Variants in CRACR2B observed in about 807,000 individuals in gnomAD.
CRACR2B encodes the protein EF-hand calcium-binding domain-containing protein 4A.
In CRACR2B, 50 loss-of-function variants were observed where a neutral mutation model predicts 46.0. The observed-to-expected ratio is 1.09, with a 90% confidence interval of 0.87 to 1.38. The LOEUF (loss-of-function observed/expected upper bound fraction) is 1.38, where lower values mean the gene tolerates loss of function less well. Ranked by LOEUF, CRACR2B falls within the 40% of genes most tolerant of loss-of-function variation. The pLI is 0.00. For missense variants in CRACR2B, 667 were observed against 535.0 expected (o/e 1.25, Z -2.43); for synonymous variants, 277 against 239.6 (o/e 1.16, Z -1.44).
intron 4 of CRACR2B, 30 bp from the exon 5 acceptor site, chr11:830,220 T>C (rs1375379394): frequency 6.7e-7 from 1 of 1,496,324 alleles, no homozygotes; most frequent in Non-Finnish European, 8.9e-7. Flanking sequence ...GCTGGCAAGT[T>C]CTCATCCGGG....
chr11:830,098 C>T lies in CRACR2B; in HGVS notation c.571C>T (p.Arg191Trp), dbSNP rs755194719. The T allele has an allele frequency of 5.8e-6, 9 of 1,541,152 alleles. No individual in the cohort carries two copies. The highest frequency in any genetic ancestry group is 7.0e-6 in the Non-Finnish European group (8 of 1,148,556). The change falls in exon 4 of 9, where the codon CGG becomes TGG. Residue 191 changes from arginine to tryptophan, a missense_variant. Physicochemically the swap from Arg to Trp is moderately radical, Grantham distance 101. Coordinates refer to ENST00000525077, the MANE Select transcript of CRACR2B (RefSeq NM_001286606.2). Reference protein sequence around the residue: ...RASACLEEAARERDGLEQALR... With the variant: ...RASACLEEAAWERDGLEQALR... ...GTCGGCCTGCCTGGAGGAGGCGGCCCGGGAGCGCGACGGCCTGGAGCAGGC... is the reference window on the plus strand; with the variant it reads ...GTCGGCCTGCCTGGAGGAGGCGGCCTGGGAGCGCGACGGCCTGGAGCAGGC...
At chr11:831,352 A>G in intron 8 of CRACR2B, 57 bp downstream of exon 8, 3 of 1,552,666 alleles carry the variant, frequency 1.9e-6, no homozygotes, top group Non-Finnish European at 2.6e-6. Flanking sequence ...GGGGGCTCCC[A>G]GCTCCCCAAC....
In CRACR2B at chr11:828,965, T is replaced by G. The variant is rs1424848468; in HGVS notation, c.277+2T>G. 39 of 1,602,586 alleles carry G rather than the reference T, an allele frequency of 2.4e-5. No homozygotes were observed. The highest frequency in any genetic ancestry group is 3.2e-5 in the Non-Finnish European group (38 of 1,179,846). ...CCAGGGAGTTCTGCCTGGGCCTGGG[T>G]GAGCCTGTGGCCTGCCTATCCCCCA... On this transcript the variant is annotated splice_donor_variant, in intron 2 of 8. Coordinates refer to ENST00000525077, the MANE Select transcript of CRACR2B (RefSeq NM_001286606.2). LOFTEE classifies it high-confidence loss of function.
At position 829,501 on chromosome 11, in the gene CRACR2B, C is replaced by T. The variant is rs762869856; in HGVS notation, c.419C>T (p.Thr140Ile). 6.2e-7 allele frequency: 1 copy of T among 1,606,430 alleles called. No homozygotes were observed. ...GAGGAAGAGGAGGAGCGATTCCACA[C>T]TGTGCTGGAGCAGCTGGGGGTGGCC... ...EEEEEEERFH[T>I]VLEQLGVAPV... The change falls in exon 3 of 9, where the codon ACT (threonine) becomes ATT (isoleucine). Residue 140 changes from threonine (T) to isoleucine (I), a missense_variant. By Grantham distance (89) the Thr-to-Ile change is moderately conservative. Transcript: ENST00000525077.
In CRACR2B at chr11:831,244, G is replaced by A. The variant is rs1846401946; in HGVS notation, c.974G>A (p.Arg325Lys). ...QTQRDVVAVS[R>K]NMQKEKVSLL... ...CACAGAGACGTGGTCGCCGTCTCCA[G>A]GAACATGCAGAAAGAGAAAGTCAGC... The change falls in exon 8 of 9, where the codon AGG (arginine) becomes AAG (lysine). Residue 325 changes from arginine to lysine, a missense_variant. Transcript: ENST00000525077. 1 of 1,610,718 alleles carries A rather than the reference G, an allele frequency of 6.2e-7. No individual in the cohort carries two copies. The highest frequency in any genetic ancestry group is 8.5e-7 in the Non-Finnish European group (1 of 1,179,380).
chr11:829,245 G>A (rs528859695), intron 2 of CRACR2B, 115 bp from the exon 3 acceptor site: 44 of 1,476,208 alleles, frequency 3.0e-5, no homozygotes, highest in East Asian at 5.0e-5. Context: ...GAATAAGGAA[G>A]GAAAACAGGA....
Position 828,451 on chromosome 11 carries a change from C to T in CRACR2B, c.-157C>T. On this transcript the variant is annotated 5_prime_UTR_variant, in exon 1 of 9. Coordinates refer to ENST00000525077, the MANE Select transcript of CRACR2B (RefSeq NM_001286606.2). ...ATTTTCCACCCCCAGCCCCCTGGTC[C>T]CACCTTGCCTTCCGCCCACCTTCCC... 2 of 851,338 alleles carry T rather than the reference C, an allele frequency of 2.3e-6. No homozygotes were observed. The highest frequency in any genetic ancestry group is 3.5e-6 in the Non-Finnish European group (2 of 578,734). 52.7% of individuals were successfully genotyped at this position (851,338 alleles called of 1,614,324 possible).
At position 828,384 on chromosome 11, in the gene CRACR2B, G is replaced by A; in HGVS notation, c.-224G>A. On this transcript the variant is annotated 5_prime_UTR_variant, in exon 1 of 9. Coordinates refer to ENST00000525077, the MANE Select transcript of CRACR2B (RefSeq NM_001286606.2). ...CACTGGGGCAGTACCCACAGGCCCT[G>A]AGCCTACATCAACCACCCCAGTGAC... 5.4e-6 allele frequency: 3 copies of A among 555,160 alleles called. No homozygotes were observed. The highest frequency in any genetic ancestry group is 9.3e-6 in the Non-Finnish European group (3 of 322,758). 34.4% of individuals were successfully genotyped at this position (555,160 alleles called of 1,614,324 possible). A position where few individuals can be genotyped will look rare whatever the true frequency, so the allele number is the denominator to read the frequency against.
At chr11:827,768 G>C (rs373560501), upstream of CRACR2B, 2 of 153,768 alleles carry the variant, frequency 1.3e-5, no homozygotes, top group East Asian at 3.9e-4. Context: ...CTCCCCGGTG[G>C]GGGAAGGCGG....
At chr11:829,755 G>A in intron 3 of CRACR2B, 3 of 1,000,292 alleles carry the variant, frequency 3.0e-6, no homozygotes, top group Non-Finnish European at 4.2e-6. Flanking sequence ...CAGGGAGGAG[G>A]GGCAGCGCCG....
rs1846083894 is a variant in CRACR2B, at chr11:828,561, C to T, written c.-47C>T. On this transcript the variant is annotated 5_prime_UTR_variant, in exon 1 of 9. Coordinates refer to ENST00000525077, the MANE Select transcript of CRACR2B (RefSeq NM_001286606.2). ...CCCTCCTGAATTTCTTCTGACCCTC[C>T]CTTGGCTTCACAGCACCTGAAGGCC... 6.5e-7 allele frequency: 1 copy of T among 1,544,676 alleles called. No homozygotes were observed. Among genetic ancestry groups the T allele is most frequent in the Admixed American group, 2.3e-5 (1 of 42,846 alleles).
chr11:826,780 GC>G (rs1360934496), upstream of CRACR2B, among the ~76,000 whole-genome samples: 3 of 152,206 alleles, frequency 2.0e-5, no homozygotes, highest in East Asian at 5.8e-4. Flanking sequence ...CCCTGTCTCA[GC>G]CCCCCAAAGT....
At chr11:829,315 G>T in intron 2 of CRACR2B, 45 bp from the exon 3 acceptor site, 1 of 1,555,412 alleles carries the variant, frequency 6.4e-7, no homozygotes, top group East Asian at 2.3e-5. Context: ...ACACAGCCAC[G>T]GTGGCGACCC....
In CRACR2B at chr11:830,250, G is replaced by T. The variant is rs1264870832; in HGVS notation, c.606G>T (p.Arg202Ser). The change falls in exon 5 of 9, where the codon AGG becomes AGT. Residue 202 changes from arginine to serine, a missense_variant and splice_region_variant. Arg to Ser is a moderately radical substitution (Grantham distance 110). Coordinates refer to ENST00000525077, the MANE Select transcript of CRACR2B (RefSeq NM_001286606.2). Reference protein sequence around the residue: ...ERDGLEQALRRRESEHEREVR... With the variant: ...ERDGLEQALRSRESEHEREVR... ...TCCGGGGTCGCCCGGTCCCCCGAAG[G>T]CGCGAGAGCGAGCACGAGAGGGAGG... 3 of 1,510,714 alleles carry T rather than the reference G, an allele frequency of 2.0e-6. No individual in the cohort carries two copies. The highest frequency in any genetic ancestry group is 2.1e-5 in the Admixed American group (1 of 48,488). The allele number at this position is 1,510,714 out of a possible 1,614,324, so 93.6% of individuals were successfully genotyped here.
At chr11:827,673 C>T (rs553290761), upstream of CRACR2B, 16 of 378,634 alleles carry the variant, frequency 4.2e-5, no homozygotes, top group African/African-American at 4.4e-5. Context: ...TTCTCTCACC[C>T]GCCCAGACTT....
At chr11:830,459 C>G in intron 5 of CRACR2B, 122 bp downstream of exon 5, 1 of 1,536,212 alleles carries the variant, frequency 6.5e-7, no homozygotes, top group Non-Finnish European at 8.7e-7. Context: ...AGGCTGCCCT[C>G]AGCCCGAGGA....
In CRACR2B at chr11:831,005, C is replaced by T; in HGVS notation, c.926C>T (p.Ala309Val). ...QEQIRRLESE[A>V]RGRQEQTQRD... ...CAGATCCGCAGGCTGGAGAGCGAAGCACGAGGCCGCCAGGAGCAAACCCAA... is the reference window on the plus strand; with the variant it reads ...CAGATCCGCAGGCTGGAGAGCGAAGTACGAGGCCGCCAGGAGCAAACCCAA... The change falls in exon 7 of 9, where the codon GCA (alanine) becomes GTA (valine). Residue 309 changes from alanine to valine, a missense_variant. Coordinates refer to ENST00000525077, the MANE Select transcript of CRACR2B (RefSeq NM_001286606.2). 4 of 1,533,878 alleles carry T rather than the reference C, an allele frequency of 2.6e-6. No individual in the cohort carries two copies. Among genetic ancestry groups the T allele is most frequent in the Non-Finnish European group, 3.5e-6 (4 of 1,146,610 alleles).
rs750751434 is a variant in CRACR2B, at chr11:828,870, C to T, written c.184C>T (p.Pro62Ser). 6.2e-7 allele frequency: 1 copy of T among 1,610,530 alleles called. No homozygotes were observed. The highest frequency in any genetic ancestry group is 8.5e-7 in the Non-Finnish European group (1 of 1,179,622). ...HDLQGLQSDLPLTPEQLEAVF... is the reference protein window; with the variant it reads ...HDLQGLQSDLSLTPEQLEAVF... ...CGACCAGGGTCTCCAGAGCGACCTG[C>T]CCCTCACGCCAGAGCAGCTGGAGGC... Residue 62 changes from proline to serine, a missense_variant, in exon 2 of 9, where the codon CCC (proline) becomes TCC (serine). Transcript: ENST00000525077.
rs369732603 is a variant in CRACR2B at position 829,434 on chromosome 11, G to A, written c.352G>A (p.Gly118Arg). The stretch of plus-strand genomic sequence containing the variant: ...TCCCGAGGAGACCTTTGAGTCGGGC[G>A]GGCTCGACGTGCAGGGCACGGCGGG... ...RTPEETFESG[G>R]LDVQGTAGSL... is the part of the protein sequence containing the mutation. Residue 118 changes from glycine (G) to arginine (R), a missense_variant, in exon 3 of 9, where the codon GGG becomes AGG. Physicochemically the swap from Gly to Arg is moderately radical, Grantham distance 125. Transcript: ENST00000525077. 1.2e-6 allele frequency: 2 copies of A among 1,610,008 alleles called. No homozygotes were observed. Among genetic ancestry groups the A allele is most frequent in the Non-Finnish European group, 1.7e-6 (2 of 1,179,024 alleles).
Sources: allele counts gnomAD v4.1 joint callset (sites outside exome capture counted in the v4.1 genomes callset), GRCh38; gene constraint gnomAD v4.1.1; transcripts MANE v1.5; gene names NCBI Gene and HGNC (gene_info 2026-07-23, HGNC 2026-07-21).